TEX14: variants seen among roughly 807,000 people sequenced by gnomAD.
TEX14 encodes the protein inactive serine/threonine-protein kinase TEX14.
Under a neutral mutation model 178.6 loss-of-function variants are expected in TEX14, and 168 were observed. The observed-to-expected ratio is 0.94, with a 90% confidence interval of 0.83 to 1.07. The LOEUF is 1.07. TEX14 is among the 50% of genes least tolerant of loss of function. TEX14 has a pLI of 0.00. For synonymous variants in TEX14, 626 were observed against 634.1 expected (o/e 0.99, Z 0.19); for missense variants, 1,730 against 1,753.6 (o/e 0.99, Z 0.24).
intron 2 of TEX14, among the ~76,000 whole-genome samples, chr17:58,650,991 C>T (rs2046828186): frequency 6.6e-6 from 1 of 152,152 alleles, no homozygotes; most frequent in African/African-American, 2.4e-5. Flanking sequence ...CTGAAAATAG[C>T]AGGTCTGGGT....
At chr17:58,585,586 C>T (rs1261463605) in intron 18 of TEX14, among the ~76,000 whole-genome samples, 2 of 144,876 alleles carry the variant, frequency 1.4e-5, no homozygotes, top group East Asian at 2.1e-4. Flanking sequence ...GAACTAGAGG[C>T]GTGTGCCACC....
At chr17:58,595,709 T>C (rs1467657807) in intron 14 of TEX14, among the ~76,000 whole-genome samples, 1 of 152,194 alleles carries the variant, frequency 6.6e-6, no homozygotes, top group Non-Finnish European at 1.5e-5. Context: ...TCCAGCTGAC[T>C]GCAAACAACT....
chr17:58,657,635 C>T (rs1194616102), intron 1 of TEX14, among the ~76,000 whole-genome samples: 1 of 146,994 alleles, frequency 6.8e-6, no homozygotes, highest in Non-Finnish European at 1.5e-5. Flanking sequence ...ACAGCCTTTG[C>T]AAAATTATGA....
Position 58,579,687 on chromosome 17 carries a change from T to C in TEX14, c.3216A>G (p.Ala1072=), listed in dbSNP as rs753586530. The change falls in exon 20 of 32, where the codon GCA becomes GCG. Residue 1072 remains alanine, a synonymous_variant. Transcript: ENST00000349033. Reference sequence around the variant, plus strand: ...TACCAGAGACTTGAGGTTGGGCAAATGCACCTTGTATTCCTTCAAAGTCCT... The same window carrying C: ...TACCAGAGACTTGAGGTTGGGCAAACGCACCTTGTATTCCTTCAAAGTCCT... The part of the protein sequence containing the change: ...IEEDFEGIQG[A]FAQPQVSGEE... 6 of 1,614,032 alleles carry C rather than the reference T, an allele frequency of 3.7e-6. No individual in the cohort carries two copies. The South Asian group carries it at 5.5e-5, about 15-fold the overall frequency.
At chr17:58,561,072 C>A (rs1321897416) in intron 29 of TEX14, among the ~76,000 whole-genome samples, 1 of 152,170 alleles carries the variant, frequency 6.6e-6, no homozygotes. Context: ...CCAGTTAGAC[C>A]AGGTCTCACA....
chr17:58,629,775 C>A (rs982104616), intron 3 of TEX14, among the ~76,000 whole-genome samples: 1 of 150,676 alleles, frequency 6.6e-6, no homozygotes, highest in Non-Finnish European at 1.5e-5. Flanking sequence ...GCAGAGCTTG[C>A]AGTGAGCCGA....
intron 1 of TEX14, among the ~76,000 whole-genome samples, chr17:58,681,916 G>A (rs1567774958): frequency 6.6e-6 from 1 of 152,126 alleles, no homozygotes; most frequent in Non-Finnish European, 1.5e-5. Context: ...AAAAGGTAAT[G>A]TATGTGAACT....
At chr17:58,630,370 T>C (rs1284217129) in intron 3 of TEX14, 70 bp downstream of exon 3, 2 of 1,241,450 alleles carry the variant, frequency 1.6e-6, no homozygotes, top group East Asian at 4.7e-5. Context: ...GTTTTTCTAA[T>C]TAGTTTCTAA....
chr17:58,567,607 TC>T (rs891514206), intron 26 of TEX14: 2 of 151,976 alleles, frequency 1.3e-5, no homozygotes, highest in Non-Finnish European at 2.9e-5. Flanking sequence ...TTCCAGTAAC[TC>T]CCCAAAGGTC....
chr17:58,667,116 T>C (rs905467014), intron 1 of TEX14, among the ~76,000 whole-genome samples: 2 of 152,214 alleles, frequency 1.3e-5, no homozygotes, highest in African/African-American at 4.8e-5. Flanking sequence ...GAGAGTTTCC[T>C]TGAGCTAACA....
chr17:58,590,079 G>A (rs986924287), intron 15 of TEX14, among the ~76,000 whole-genome samples: 1 of 151,948 alleles, frequency 6.6e-6, no homozygotes, highest in Non-Finnish European at 1.5e-5. Flanking sequence ...TGGACAACAT[G>A]GTGAAATCTT....
chr17:58,562,018 GCAGCT>G (rs1428125291), intron 28 of TEX14, among the ~76,000 whole-genome samples: 1 of 152,136 alleles, frequency 6.6e-6, no homozygotes, highest in African/African-American at 2.4e-5. Flanking sequence ...CTAGGAGGCG[GCAGCT>G]GCAGTGAGCC....
chr17:58,557,301 T>C (rs1435743501), intron 31 of TEX14, among the ~76,000 whole-genome samples: 3 of 151,922 alleles, frequency 2.0e-5, no homozygotes, highest in Non-Finnish European at 4.4e-5. Flanking sequence ...GACGGAGTCT[T>C]GCTCTTATCC....
rs60626361 is a variant in TEX14, at chr17:58,656,925, CAAAAAAA to C, written c.-1-4930_-1-4924del. On this transcript the variant is annotated intron_variant, in intron 1 of 31. Transcript: ENST00000349033. Reference sequence around the variant, plus strand: ...GTGACTGAGCAAAACTCCCATCTCACAAAAAAAAAAAAAAAAAAAAAAAAGAAAAAGA... The same window carrying C: ...GTGACTGAGCAAAACTCCCATCTCACAAAAAAAAAAAAAAAAAGAAAAAGA... 8.3e-3 allele frequency among the ~76,000 whole-genome samples: 661 copies of C among 79,542 alleles called. 1 individual carries two copies. Among genetic ancestry groups the C allele is most frequent in the Non-Finnish European group, 0.011 (509 of 46,312 alleles). 52.2% of individuals were successfully genotyped at this position (79,542 alleles called of 152,430 possible). A position where few individuals can be genotyped will look rare whatever the true frequency, so the allele number is the denominator to read the frequency against.
At chr17:58,627,592 G>GGAC (rs2046174909) in intron 3 of TEX14, among the ~76,000 whole-genome samples, 1 of 151,968 alleles carries the variant, frequency 6.6e-6, no homozygotes, top group Non-Finnish European at 1.5e-5. Flanking sequence ...CCAACAAGGT[G>GGAC]AAACCGCATC....
At chr17:58,691,460 A>G (rs972731094) in intron 1 of TEX14, among the ~76,000 whole-genome samples, 2 of 151,698 alleles carry the variant, frequency 1.3e-5, no homozygotes, top group Non-Finnish European at 1.5e-5. Context: ...CGAGGTCAGG[A>G]GTTCGAGACC....
chr17:58,577,256 CT>C (rs1382196356), intron 21 of TEX14, 118 bp downstream of exon 21: 6 of 421,182 alleles, frequency 1.4e-5, no homozygotes, highest in Non-Finnish European at 2.4e-5. Context: ...CCAAAGCTAA[CT>C]TTTATAAGAT....
intron 1 of TEX14, among the ~76,000 whole-genome samples, chr17:58,656,925 CAAAAAAAAAA>C (rs60626361): frequency 1.3e-5 from 1 of 79,538 alleles, no homozygotes; most frequent in African/African-American, 5.5e-5. Context: ...TCCCATCTCA[CAAAAAAAAAA>C]AAAAAAAAAA....
chr17:58,637,911 G>A (rs2046476109), intron 2 of TEX14, among the ~76,000 whole-genome samples: 1 of 150,716 alleles, frequency 6.6e-6, no homozygotes, highest in Non-Finnish European at 1.5e-5. Context: ...ACCCAGGCTG[G>A]AGTGCAGTGG....
Sources: allele counts gnomAD v4.1 joint callset (sites outside exome capture counted in the v4.1 genomes callset), GRCh38; gene constraint gnomAD v4.1.1; transcripts MANE v1.5; gene names NCBI Gene and HGNC (gene_info 2026-07-23, HGNC 2026-07-21).